Variants in DNAJC1 observed in about 807,000 individuals in gnomAD.
DNAJC1 encodes DnaJ heat shock protein family (Hsp40) member C1, also known as dnaJ homolog subfamily C member 1.
Under a neutral mutation model 76.6 loss-of-function variants are expected in DNAJC1, and 58 were observed. The ratio of observed to expected loss-of-function variants is 0.76; its 90% confidence interval spans 0.61 to 0.94. The LOEUF (loss-of-function observed/expected upper bound fraction) is 0.94, where lower values mean the gene tolerates loss of function less well. Ranked by LOEUF, DNAJC1 falls within the 40% of genes least tolerant of loss-of-function variation. The pLI is 0.00. For missense variants in DNAJC1, 689 were observed against 677.3 expected, an observed-to-expected ratio of 1.02 and a Z score of -0.19; for synonymous variants, 258 against 267.9, an observed-to-expected ratio of 0.96 and a Z score of 0.36.
chr10:21,866,582 A>G (rs1044961421), intron 8 of DNAJC1, among the ~76,000 whole-genome samples: 4 of 152,132 alleles, frequency 2.6e-5, no homozygotes, highest in Non-Finnish European at 5.9e-5. Context: ...TGACACATAC[A>G]TTATCTCAAC....
intron 8 of DNAJC1, among the ~76,000 whole-genome samples, chr10:21,853,342 T>A (rs1835784663): frequency 6.6e-6 from 1 of 152,134 alleles, no homozygotes; most frequent in Non-Finnish European, 1.5e-5. Flanking sequence ...CATGAGAAAG[T>A]GAGTCTTTCA....
chr10:21,782,315 C>T (rs534156598), intron 9 of DNAJC1, among the ~76,000 whole-genome samples: 2 of 152,304 alleles, frequency 1.3e-5, no homozygotes, highest in East Asian at 1.9e-4. Context: ...TTCCTGGACA[C>T]ATAAACCCTC....
At chr10:21,818,103 C>T (rs1490143928) in intron 8 of DNAJC1, among the ~76,000 whole-genome samples, 1 of 152,194 alleles carries the variant, frequency 6.6e-6, no homozygotes, top group Admixed American at 6.5e-5. Context: ...CGGAACAGAG[C>T]CATATTTCTC....
chr10:21,901,891 G>C (rs1266404094), intron 7 of DNAJC1, among the ~76,000 whole-genome samples: 1 of 152,160 alleles, frequency 6.6e-6, no homozygotes, highest in Non-Finnish European at 1.5e-5. Context: ...ATGCACATTG[G>C]GGGATTTGGG....
chr10:21,980,660 T>C (rs965007231), intron 1 of DNAJC1, among the ~76,000 whole-genome samples: 1 of 152,128 alleles, frequency 6.6e-6, no homozygotes, highest in Non-Finnish European at 1.5e-5. Flanking sequence ...GTAACAGTGT[T>C]AATGTCCTGG....
intron 1 of DNAJC1, among the ~76,000 whole-genome samples, chr10:21,999,931 A>C (rs902220532): frequency 6.6e-6 from 1 of 152,152 alleles, no homozygotes; most frequent in Admixed American, 6.5e-5. Context: ...GTAACTCTAC[A>C]CCTGAATAAC....
chr10:21,977,704 T>C (rs890602190), intron 1 of DNAJC1, among the ~76,000 whole-genome samples: 1 of 152,130 alleles, frequency 6.6e-6, no homozygotes, highest in Non-Finnish European at 1.5e-5. Context: ...ATCCAATACA[T>C]ATTTAAGTTA....
intron 7 of DNAJC1, among the ~76,000 whole-genome samples, chr10:21,896,505 T>C (rs1275563022): frequency 6.6e-6 from 1 of 152,184 alleles, no homozygotes; most frequent in Non-Finnish European, 1.5e-5. Context: ...GTCCCATCAT[T>C]ATAATGTGGA....
intron 8 of DNAJC1, among the ~76,000 whole-genome samples, chr10:21,869,604 G>A (rs922484273): frequency 1.1e-4 from 16 of 152,056 alleles, no homozygotes; most frequent in African/African-American, 2.4e-5. Flanking sequence ...GGTTGCTAAC[G>A]TTTGGCTCAG....
At chr10:21,843,917 C>T (rs982896997) in intron 8 of DNAJC1, among the ~76,000 whole-genome samples, 2 of 152,040 alleles carry the variant, frequency 1.3e-5, no homozygotes, top group Non-Finnish European at 2.9e-5. Context: ...TAATCCCCAC[C>T]TGTCAAGGGC....
chr10:21,973,751 A>G (rs1452891451), intron 1 of DNAJC1, among the ~76,000 whole-genome samples: 3 of 151,248 alleles, frequency 2.0e-5, no homozygotes, highest in African/African-American at 7.3e-5. Context: ...AAAAAAAAAG[A>G]AAAAAAGAAA....
chr10:21,761,514 G>A (rs1256557375), intron 10 of DNAJC1, among the ~76,000 whole-genome samples: 3 of 145,692 alleles, frequency 2.1e-5, no homozygotes, highest in Non-Finnish European at 3.0e-5. Flanking sequence ...TACTGAGATC[G>A]TACCACAGCC....
chr10:21,979,245 T>A (rs756190948), intron 1 of DNAJC1, among the ~76,000 whole-genome samples: 2 of 152,092 alleles, frequency 1.3e-5, no homozygotes, highest in African/African-American at 2.4e-5. Flanking sequence ...CTATGGTTTC[T>A]ACTATGTAAA....
chr10:21,895,467 A>G (rs1836526180), intron 7 of DNAJC1, among the ~76,000 whole-genome samples: 1 of 152,198 alleles, frequency 6.6e-6, no homozygotes, highest in Non-Finnish European at 1.5e-5. Flanking sequence ...TATTTTGTGG[A>G]TGACATCTCT....
intron 6 of DNAJC1, among the ~76,000 whole-genome samples, chr10:21,907,956 C>T (rs1008196211): frequency 1.4e-5 from 2 of 139,356 alleles, no homozygotes; most frequent in African/African-American, 2.7e-5. Context: ...CCAGCATGGG[C>T]CACAGAGTGA....
intron 8 of DNAJC1, among the ~76,000 whole-genome samples, chr10:21,842,845 A>G (rs1432075750): frequency 6.6e-6 from 1 of 152,192 alleles, no homozygotes; most frequent in African/African-American, 2.4e-5. Context: ...TAATCTCAAA[A>G]ATTAGGAACA....
chr10:21,873,507 T>C (rs1489694545), intron 8 of DNAJC1, among the ~76,000 whole-genome samples: 5 of 152,062 alleles, frequency 3.3e-5, no homozygotes, highest in Admixed American at 2.6e-4. Flanking sequence ...AATTAATATA[T>C]GTGGAAAAAA....
intron 10 of DNAJC1, among the ~76,000 whole-genome samples, chr10:21,762,686 T>C (rs1453895188): frequency 6.6e-6 from 1 of 152,120 alleles, no homozygotes; most frequent in Admixed American, 6.6e-5. Flanking sequence ...CATAGCTCAC[T>C]GCAGCCTCCA....
At chr10:21,867,028 G>A in intron 8 of DNAJC1, among the ~76,000 whole-genome samples, 1 of 151,840 alleles carries the variant, frequency 6.6e-6, no homozygotes, top group South Asian at 2.1e-4. Context: ...GATCCTAGAG[G>A]GACATTTATA....
Sources: gnomAD v4.1 joint callset for allele counts (sites outside exome capture counted in the v4.1 genomes callset) on GRCh38, gnomAD v4.1.1 for gene constraint, MANE v1.5 for transcripts, NCBI Gene and HGNC (gene_info 2026-07-23, HGNC 2026-07-21) for gene names.